Variants in TEX35 observed in about 807,000 individuals in gnomAD.
The protein encoded by TEX35 is testis expressed 35, also known as testis-expressed protein 35.
In TEX35, 26 loss-of-function variants were observed where a neutral mutation model predicts 31.9. That is an observed-to-expected ratio of 0.81 (90% CI 0.60 to 1.13). The LOEUF is 1.13. Ranked by LOEUF, TEX35 falls within the 50% of genes most tolerant of loss-of-function variation. The probability of loss-of-function intolerance (pLI) is 0.00; values close to 1 mark genes in which losing one functional copy is unlikely to be tolerated. For synonymous variants in TEX35, 87 were observed against 90.7 expected (o/e 0.96, Z 0.23); for missense variants, 278 against 273.5 (o/e 1.02, Z -0.12).
chr1:178,521,280 C>T lies in TEX35; in HGVS notation c.586+16C>T. 1 of 1,614,120 alleles carries T rather than the reference C, an allele frequency of 6.2e-7. No individual in the cohort carries two copies. ...TACAATCGGGGTAGGTAGATTCATA[C>T]AAGATGTGCCTTTTCTCGATCAGGT... On this transcript the variant is annotated intron_variant, in intron 8 of 8. Transcript: ENST00000319416.
At chr1:178,521,992 C>A in intron 8 of TEX35, 3 of 799,498 alleles carry the variant, frequency 3.8e-6, no homozygotes. Context: ...TCCATTCCAC[C>A]TGGGTCTGCA....
intron 5 of TEX35, among the ~76,000 whole-genome samples, chr1:178,519,093 G>T (rs1650178519): frequency 6.6e-6 from 1 of 152,194 alleles, no homozygotes; most frequent in Non-Finnish European, 1.5e-5. Context: ...ACTTCAAAAA[G>T]CTTAGCCCGG....
chr1:178,521,852 T>A (rs377233514), intron 8 of TEX35: 5 of 1,495,472 alleles, frequency 3.3e-6, no homozygotes, highest in East Asian at 4.9e-5. Flanking sequence ...AAAACTTGAG[T>A]GTGTGGAGGT....
chr1:178,523,183 T>C, downstream of TEX35: 1 of 631,756 alleles, frequency 1.6e-6, no homozygotes. Context: ...TACGATATTT[T>C]CCTCATTCAT....
In TEX35 at chr1:178,514,010, G is replaced by T. The variant is rs1218521592; in HGVS notation, c.40-17G>T. 6.2e-7 allele frequency: 1 copy of T among 1,613,342 alleles called. No homozygotes were observed. The highest frequency in any genetic ancestry group is 8.5e-7 in the Non-Finnish European group (1 of 1,179,694). ...CTGATGTCTGCCAGCCTGAATCTCA[G>T]TCTCCTCTTTTTGCAGAGCAAGAAC... is the stretch of plus-strand genomic sequence containing the variant. On this transcript the variant is annotated splice_polypyrimidine_tract_variant and intron_variant, in intron 1 of 8. Coordinates refer to ENST00000319416, the MANE Select transcript of TEX35 (RefSeq NM_032126.5).
chr1:178,513,906 TG>T, intron 1 of TEX35, 120 bp from the exon 2 acceptor site: 1 of 1,160,902 alleles, frequency 8.6e-7, no homozygotes, highest in Non-Finnish European at 1.2e-6. Flanking sequence ...TCAAGCCAGT[TG>T]GACAGGCAGG....
At chr1:178,520,572 G>A (rs1164430954) in intron 6 of TEX35, 101 bp from the exon 7 acceptor site, 1 of 1,594,780 alleles carries the variant, frequency 6.3e-7, no homozygotes, top group Non-Finnish European at 8.5e-7. Flanking sequence ...CTGTGACTTG[G>A]AGTCAAGGCC....
chr1:178,519,575 T>G (rs1650195089), intron 5 of TEX35, among the ~76,000 whole-genome samples: 1 of 152,096 alleles, frequency 6.6e-6, no homozygotes, highest in Non-Finnish European at 1.5e-5. Flanking sequence ...GAAGGTATTT[T>G]ATGAAATCAT....
chr1:178,520,448 C>A lies in TEX35; in HGVS notation c.341+12C>A. ...AAGAACTATAAGCTGTAAGTGTAAC[C>A]TGCACTCGTCTCTCCTCATCCCTAA... On this transcript the variant is annotated intron_variant, in intron 6 of 8. Transcript: ENST00000319416. 1.2e-6 allele frequency: 2 copies of A among 1,614,080 alleles called. No individual in the cohort carries two copies. Among genetic ancestry groups the A allele is most frequent in the South Asian group, 1.1e-5 (1 of 91,056 alleles).
chr1:178,514,917 A>T (rs1650019751), intron 3 of TEX35, 149 bp downstream of exon 3: 1 of 678,638 alleles, frequency 1.5e-6, no homozygotes, highest in African/African-American at 1.8e-5. Context: ...TAACACACAG[A>T]CAATACTCAT....
At chr1:178,515,944 G>A in intron 4 of TEX35, 29 bp downstream of exon 4, 1 of 1,559,862 alleles carries the variant, frequency 6.4e-7, no homozygotes, top group Non-Finnish European at 8.8e-7. Context: ...CCATATCATG[G>A]AGGGAAAGTG....
At chr1:178,517,665 T>C (rs963312693) in intron 5 of TEX35, among the ~76,000 whole-genome samples, 2 of 152,174 alleles carry the variant, frequency 1.3e-5, no homozygotes, top group African/African-American at 4.8e-5. Flanking sequence ...CACAGCTCTA[T>C]AGAATTTACA....
intron 2 of TEX35, 197 bp downstream of exon 2, chr1:178,514,274 C>T (rs1201272287): frequency 6.7e-7 from 1 of 1,488,204 alleles, no homozygotes; most frequent in Non-Finnish European, 9.0e-7. Flanking sequence ...ACTCATTCAG[C>T]AGTGTTACCT....
At chr1:178,513,292 T>C (rs1482285572) in intron 1 of TEX35, 65 bp downstream of exon 1, 2 of 1,594,076 alleles carry the variant, frequency 1.3e-6, no homozygotes, top group Non-Finnish European at 1.7e-6. Context: ...GGAGATGGTG[T>C]CGGGGCAAGG....
Position 178,513,332 on chromosome 1 carries a change from G to T in TEX35, c.39+105G>T. The T allele has an allele frequency of 4.9e-6, 7 of 1,434,480 alleles. No individual in the cohort carries two copies. In the South Asian group the frequency reaches 7.2e-5, roughly 15 times the overall value. The allele number at this position is 1,434,480 out of a possible 1,614,324, so 88.9% of individuals were successfully genotyped here. A position where few individuals can be genotyped will look rare whatever the true frequency, so the allele number is the denominator to read the frequency against. ...CAGAGAATGCTCGCATGAATCTCTG[G>T]TTTTTCTTTCTCTGTACTGAGCATA... On this transcript the variant is annotated intron_variant, in intron 1 of 8. Transcript: ENST00000319416.
At position 178,522,171 on chromosome 1, in the gene TEX35, C is replaced by T. The variant is rs536920115; in HGVS notation, c.587-154C>T. 306 of 1,067,782 alleles carry T rather than the reference C, an allele frequency of 2.9e-4. No individual in the cohort carries two copies. In the African/African-American group the frequency reaches 4.4e-3, roughly 15 times the overall value. 66.1% of individuals were successfully genotyped at this position (1,067,782 alleles called of 1,614,324 possible). A position where few individuals can be genotyped will look rare whatever the true frequency, so the allele number is the denominator to read the frequency against. Reference sequence around the variant, plus strand: ...GGTGATGCAGGGAACCCCTCAGCCTCGAGTTCTGCCTGCACCACACCCCTC... The same window carrying T: ...GGTGATGCAGGGAACCCCTCAGCCTTGAGTTCTGCCTGCACCACACCCCTC... On this transcript the variant is annotated intron_variant, in intron 8 of 8. Transcript: ENST00000319416.
downstream of TEX35, among the ~76,000 whole-genome samples, chr1:178,523,031 A>T (rs992607095): frequency 1.3e-5 from 2 of 152,186 alleles, no homozygotes; most frequent in Non-Finnish European, 2.9e-5. Context: ...TAGATCCCAC[A>T]AATAAGTGAG....
At chr1:178,517,881 A>G (rs1053097534) in intron 5 of TEX35, among the ~76,000 whole-genome samples, 1 of 152,216 alleles carries the variant, frequency 6.6e-6, no homozygotes, top group African/African-American at 2.4e-5. Context: ...TATAAATACA[A>G]TGGAAGAAAT....
intron 2 of TEX35, 126 bp downstream of exon 2, chr1:178,514,203 G>C: frequency 6.3e-7 from 1 of 1,578,356 alleles, no homozygotes; most frequent in Non-Finnish European, 8.6e-7. Flanking sequence ...GGGATGCACT[G>C]AGAGTTCTTG....
Sources: allele counts gnomAD v4.1 joint callset (sites outside exome capture counted in the v4.1 genomes callset), GRCh38; gene constraint gnomAD v4.1.1; transcripts MANE v1.5; gene names NCBI Gene and HGNC (gene_info 2026-07-23, HGNC 2026-07-21).